DPP6: variants seen among roughly 807,000 people sequenced by gnomAD.
DPP6 encodes the protein dipeptidyl peptidase like 6.
Under a neutral mutation model 122.6 loss-of-function variants are expected in DPP6, and 69 were observed. The observed-to-expected ratio is 0.56, with a 90% CI of 0.46 to 0.69. The LOEUF is 0.69. Among genes scored for constraint, DPP6 ranks in the 30% least tolerant of loss-of-function variants. The probability of loss-of-function intolerance (pLI) is 0.00; values close to 1 mark genes in which losing one functional copy is unlikely to be tolerated. For synonymous variants in DPP6, 418 were observed against 433.1 expected (o/e 0.97, Z 0.43); for missense variants, 928 against 1,116.9 (o/e 0.83, Z 2.41).
chr7:154,212,810 T>C (rs1330659864), intron 1 of DPP6, among the ~76,000 whole-genome samples: 2 of 152,140 alleles, frequency 1.3e-5, no homozygotes, highest in Non-Finnish European at 2.9e-5. Context: ...GCAGGTGCCA[T>C]GACAGAAGAG....
chr7:154,001,901 G>A (rs1370055868), intron 1 of DPP6, among the ~76,000 whole-genome samples: 1 of 151,914 alleles, frequency 6.6e-6, no homozygotes, highest in Non-Finnish European at 1.5e-5. Flanking sequence ...TCTTGAGATG[G>A]TTTGGTAACA....
At chr7:154,210,867 T>C (rs1799703679) in intron 1 of DPP6, among the ~76,000 whole-genome samples, 1 of 151,710 alleles carries the variant, frequency 6.6e-6, no homozygotes, top group Non-Finnish European at 1.5e-5. Context: ...AAGGCAGCCG[T>C]AATCGTTAGA....
At chr7:153,951,044 A>G (rs1031756208) in intron 1 of DPP6, among the ~76,000 whole-genome samples, 1 of 152,198 alleles carries the variant, frequency 6.6e-6, no homozygotes, top group Non-Finnish European at 1.5e-5. Context: ...CTTGAGAAGC[A>G]ACAGAAGGGA....
At chr7:154,556,633 C>A (rs1300522548) in intron 4 of DPP6, among the ~76,000 whole-genome samples, 1 of 152,046 alleles carries the variant, frequency 6.6e-6, no homozygotes. Flanking sequence ...AATAGGAAAT[C>A]CTGAAGCTAT....
chr7:154,497,959 A>T (rs897992068), intron 3 of DPP6, among the ~76,000 whole-genome samples: 22 of 152,136 alleles, frequency 1.4e-4, no homozygotes, highest in African/African-American at 5.1e-4. Context: ...GCTCAGCAGG[A>T]TGATGGGGGA....
At chr7:154,300,467 C>G (rs1367497051) in intron 1 of DPP6, among the ~76,000 whole-genome samples, 1 of 152,254 alleles carries the variant, frequency 6.6e-6, no homozygotes, top group African/African-American at 2.4e-5. Flanking sequence ...AAGGGAGGCA[C>G]TGGCCCAGAG....
chr7:153,943,601 A>G (rs1220286399), intron 1 of DPP6, among the ~76,000 whole-genome samples: 2 of 152,126 alleles, frequency 1.3e-5, no homozygotes, highest in African/African-American at 4.8e-5. Flanking sequence ...CTCTGTTTTC[A>G]TTCCCTTTCC....
intron 1 of DPP6, among the ~76,000 whole-genome samples, chr7:154,277,672 G>A (rs1365423259): frequency 6.6e-6 from 1 of 152,206 alleles, no homozygotes; most frequent in Non-Finnish European, 1.5e-5. Flanking sequence ...GGCTGAGGCA[G>A]GAGAATTGCT....
intron 1 of DPP6, among the ~76,000 whole-genome samples, chr7:154,145,421 C>T (rs1796041108): frequency 6.6e-6 from 1 of 152,160 alleles, no homozygotes; most frequent in Admixed American, 6.5e-5. Flanking sequence ...GGACTCTAAG[C>T]CCAAGAAAGA....
intron 16 of DPP6, among the ~76,000 whole-genome samples, chr7:154,809,296 T>G (rs1484132206): frequency 6.6e-6 from 1 of 151,646 alleles, no homozygotes; most frequent in African/African-American, 2.4e-5. Flanking sequence ...GGGGAAGAGC[T>G]TGGGGGGTTA....
intron 1 of DPP6, among the ~76,000 whole-genome samples, chr7:154,002,191 C>T (rs1171541009): frequency 1.3e-5 from 2 of 152,200 alleles, no homozygotes; most frequent in East Asian, 3.9e-4. Flanking sequence ...ACATTTAGCA[C>T]AGTGCAGGCT....
At chr7:154,354,404 T>G (rs965569545) in intron 1 of DPP6, among the ~76,000 whole-genome samples, 1 of 152,198 alleles carries the variant, frequency 6.6e-6, no homozygotes, top group Non-Finnish European at 1.5e-5. Flanking sequence ...TGATGAGATA[T>G]TAGGGACTGG....
chr7:154,071,018 T>C (rs543279571), intron 1 of DPP6, among the ~76,000 whole-genome samples: 11 of 152,306 alleles, frequency 7.2e-5, no homozygotes, highest in African/African-American at 2.6e-4. Context: ...GCTTATCATG[T>C]ATGTGCATGC....
chr7:154,065,180 A>G (rs886187584), intron 1 of DPP6, among the ~76,000 whole-genome samples: 2 of 152,154 alleles, frequency 1.3e-5, no homozygotes, highest in Admixed American at 1.3e-4. Context: ...GATGAGCAGC[A>G]GCTGGAAGGA....
chr7:154,474,431 G>A (rs1822547543), intron 2 of DPP6, among the ~76,000 whole-genome samples: 1 of 152,176 alleles, frequency 6.6e-6, no homozygotes, highest in African/African-American at 2.4e-5. Context: ...GATCCTGTCT[G>A]AGCAAGAACT....
chr7:154,210,783 C>A (rs1799696525), intron 1 of DPP6, among the ~76,000 whole-genome samples: 1 of 150,688 alleles, frequency 6.6e-6, no homozygotes, highest in Non-Finnish European at 1.5e-5. Context: ...CTAGAAAGAG[C>A]AAGTTATCTA....
intron 8 of DPP6, among the ~76,000 whole-genome samples, chr7:154,738,532 T>G (rs1266358343): frequency 6.6e-6 from 1 of 152,230 alleles, no homozygotes; most frequent in Non-Finnish European, 1.5e-5. Flanking sequence ...ATTATCCTAG[T>G]CAATCCCGGA....
chr7:154,335,975 T>C (rs1189539969), intron 1 of DPP6, among the ~76,000 whole-genome samples: 1 of 152,140 alleles, frequency 6.6e-6, no homozygotes, highest in Non-Finnish European at 1.5e-5. Flanking sequence ...CGGTTCATGC[T>C]GTGATCTGTA....
chr7:154,770,296 C>T (rs139999595), intron 9 of DPP6, among the ~76,000 whole-genome samples: 40 of 152,184 alleles, frequency 2.6e-4, no homozygotes, highest in African/African-American at 7.0e-4. Context: ...GAGTTTGTGC[C>T]GGGAAACTCA....
Sources: gnomAD v4.1 joint callset for allele counts (sites outside exome capture counted in the v4.1 genomes callset) on GRCh38, gnomAD v4.1.1 for gene constraint, MANE v1.5 for transcripts, NCBI Gene and HGNC (gene_info 2026-07-23, HGNC 2026-07-21) for gene names.